Variants in NR1H2 observed in about 807,000 individuals in gnomAD.
NR1H2 encodes the protein nuclear receptor subfamily 1 group H member 2, also known as oxysterols receptor LXR-beta.
NR1H2 carries 33 observed loss-of-function variants against 51.2 expected under a neutral mutation model. The observed-to-expected ratio is 0.64, with a 90% CI of 0.49 to 0.86. The LOEUF (loss-of-function observed/expected upper bound fraction) is 0.86. Ranked by LOEUF, NR1H2 falls within the 40% of genes least tolerant of loss-of-function variation. NR1H2 has a pLI of 0.00. For synonymous variants in NR1H2, 310 were observed against 264.3 expected (o/e 1.17, Z -1.68); for missense variants, 592 against 639.9 (o/e 0.93, Z 0.81).
Position 50,382,158 on chromosome 19 carries a change from G to T in NR1H2, c.1220G>T (p.Arg407Leu), listed in dbSNP as rs1294071211. 3 of 1,532,750 alleles carry T rather than the reference G, an allele frequency of 2.0e-6. 1 individual carries two copies. Among genetic ancestry groups the T allele is most frequent in the South Asian group, 2.4e-5 (2 of 83,570 alleles). 94.9% of individuals were successfully genotyped at this position (1,532,750 alleles called of 1,614,324 possible). A position where few individuals can be genotyped will look rare whatever the true frequency, so the allele number is the denominator to read the frequency against. The change falls in exon 9 of 10, where the codon CGC becomes CTC. Residue 407 changes from arginine (R) to leucine (L), a missense_variant. This residue lies in a region of NR1H2 where 174 missense variants were observed against 174.0 expected (regional missense o/e 1.00). Coordinates refer to ENST00000253727, the MANE Select transcript of NR1H2 (RefSeq NM_007121.7). The part of the protein sequence containing the change: ...PYVEALLSYT[R>L]IKRPQDQLRF... ...GTGGAGGCGCTGCTGTCCTACACGC[G>T]CATCAAGAGGCCGCAGGTAGGGCCC...
intron 2 of NR1H2, 48 bp from the exon 3 acceptor site, chr19:50,377,539 C>CT (rs2037686578): frequency 6.7e-7 from 1 of 1,501,566 alleles, no homozygotes; most frequent in African/African-American, 1.4e-5. Context: ...CTGACCTAAC[C>CT]TAACCCTTCT....
At chr19:50,382,380 C>T in intron 9 of NR1H2, 76 bp from the exon 10 acceptor site, 1 of 1,514,120 alleles carries the variant, frequency 6.6e-7, no homozygotes, top group East Asian at 2.5e-5. Flanking sequence ...GAGGGGCCCT[C>T]CTTTCTGTTG....
intron 8 of NR1H2, among the ~76,000 whole-genome samples, chr19:50,380,451 C>T (rs2037747604): frequency 1.3e-5 from 2 of 152,080 alleles, no homozygotes; most frequent in Admixed American, 1.3e-4. Context: ...GAGGCACTGC[C>T]TAGGAAAAGG....
Position 50,377,576 on chromosome 19 carries a change from G to A in NR1H2, c.-19-11G>A. On this transcript the variant is annotated splice_polypyrimidine_tract_variant and intron_variant, in intron 2 of 9. Transcript: ENST00000253727. ...AGCCCCACAAGGCTCTCAATCCCCT[G>A]TATTCTACAGGCTGCTCCGTGACCC... The A allele has an allele frequency of 2.5e-6, 4 of 1,611,088 alleles. No individual in the cohort carries two copies. The highest frequency in any genetic ancestry group is 3.4e-6 in the Non-Finnish European group (4 of 1,177,860).
chr19:50,377,438 G>A, intron 2 of NR1H2, 149 bp from the exon 3 acceptor site: 2 of 604,096 alleles, frequency 3.3e-6, no homozygotes, highest in East Asian at 3.1e-5. Context: ...GATGGGGAGG[G>A]TTTGTAGGCT....
intron 8 of NR1H2, among the ~76,000 whole-genome samples, chr19:50,380,369 G>C (rs1161436718): frequency 2.6e-5 from 4 of 152,166 alleles, no homozygotes; most frequent in African/African-American, 9.7e-5. Flanking sequence ...CTGTCTAGGG[G>C]AGCACTGCTT....
Position 50,379,805 on chromosome 19 carries a change from G to A in NR1H2, c.953G>A (p.Arg318His), listed in dbSNP as rs1409105607. Reference sequence around the variant, plus strand: ...ATCATGCTGCTAGAGACAGCCAGGCGCTACAACCACGAGACAGAGTGTATC... The same window carrying A: ...ATCATGCTGCTAGAGACAGCCAGGCACTACAACCACGAGACAGAGTGTATC... ...IEIMLLETAR[R>H]YNHETECITF... The change falls in exon 8 of 10, where the codon CGC (arginine) becomes CAC (histidine). Residue 318 changes from arginine (R) to histidine (H), a missense_variant. Physicochemically the swap from Arg to His is conservative, Grantham distance 29. Coordinates refer to ENST00000253727, the MANE Select transcript of NR1H2 (RefSeq NM_007121.7). 1.2e-6 allele frequency: 2 copies of A among 1,613,776 alleles called. No individual in the cohort carries two copies. Among genetic ancestry groups the A allele is most frequent in the African/African-American group, 1.3e-5 (1 of 74,926 alleles).
rs73932491 is a variant in NR1H2 at position 50,380,121 on chromosome 19, C to T, written c.1027+242C>T. Among the ~76,000 whole-genome samples, 1,362 of 152,258 alleles carry T rather than the reference C, an allele frequency of 8.9e-3. 20 individuals carry two copies. Among genetic ancestry groups the T allele is most frequent in the African/African-American group, 0.03 (1,245 of 41,530 alleles). ...GCTATAGTGAGCCGTGATTGTGCGA[C>T]GGCATTCCAGCCTGGTGACAGAGAA... On this transcript the variant is annotated intron_variant, in intron 8 of 9. Coordinates refer to ENST00000253727, the MANE Select transcript of NR1H2 (RefSeq NM_007121.7).
intron 8 of NR1H2, among the ~76,000 whole-genome samples, chr19:50,380,711 T>C (rs1319304694): frequency 6.6e-6 from 1 of 151,758 alleles, no homozygotes; most frequent in Admixed American, 6.6e-5. Context: ...GGCCCTGAGG[T>C]TGGGGAGAGC....
chr19:50,377,992 T>C, intron 4 of NR1H2, 122 bp downstream of exon 4: 2 of 1,430,358 alleles, frequency 1.4e-6, no homozygotes, highest in East Asian at 4.6e-5. Context: ...CTCCTTAACA[T>C]ATACATCTTT....
chr19:50,383,141 G>GT lies in NR1H2; in HGVS notation c.*540dup. Among the ~76,000 whole-genome samples, 1 of 152,312 alleles carries GT rather than the reference G, an allele frequency of 6.6e-6. No homozygotes were observed. The highest frequency in any genetic ancestry group is 2.4e-5 in the African/African-American group (1 of 41,570). On this transcript the variant is annotated 3_prime_UTR_variant, in exon 10 of 10. Transcript: ENST00000253727. Reference sequence around the variant, plus strand: ...TGTTGGGAAAAGGGTGGCACATAGGGTCCCAGTGTTGGGTGGTGTGTCGCC... The same window carrying GT: ...TGTTGGGAAAAGGGTGGCACATAGGGTTCCCAGTGTTGGGTGGTGTGTCGCC...
chr19:50,379,959 G>T (rs1568595642), intron 8 of NR1H2, 80 bp downstream of exon 8: 2 of 928,874 alleles, frequency 2.2e-6, no homozygotes, highest in Non-Finnish European at 3.5e-6. Flanking sequence ...CCCTGTTGGA[G>T]TCTCTGTTTC....
chr19:50,381,379 A>C (rs2037762724), intron 8 of NR1H2, among the ~76,000 whole-genome samples: 1 of 152,242 alleles, frequency 6.6e-6, no homozygotes, highest in African/African-American at 2.4e-5. Flanking sequence ...ACCATGGCTC[A>C]GCAGGGCCCT....
rs1035523588 is a variant in NR1H2, at chr19:50,378,550, G to A, written c.501G>A (p.Lys167=). The A allele has an allele frequency of 4.5e-6, 7 of 1,548,252 alleles. No individual in the cohort carries two copies. The highest frequency in any genetic ancestry group is 5.2e-6 in the Non-Finnish European group (6 of 1,156,182). The stretch of plus-strand genomic sequence containing the variant: ...TCCTTTCTGAAGAACAGATCCGGAA[G>A]AAGAAGATTCGGAAACAGCAGCAGG... ...QCVLSEEQIR[K]KKIRKQQQES... Residue 167 remains lysine, a synonymous_variant, in exon 6 of 10, where the codon AAG becomes AAA. Transcript: ENST00000253727.
In NR1H2 at chr19:50,376,579, A is replaced by G. The variant is rs1271727185; in HGVS notation, c.-128+3A>G. The G allele has an allele frequency of 6.6e-6, 1 of 152,314 alleles. No homozygotes were observed. Among genetic ancestry groups the G allele is most frequent in the Non-Finnish European group, 1.5e-5 (1 of 68,080 alleles). 9.4% of individuals were successfully genotyped at this position (152,314 alleles called of 1,614,324 possible). A position where few individuals can be genotyped will look rare whatever the true frequency, so the allele number is the denominator to read the frequency against. On this transcript the variant is annotated splice_donor_region_variant and intron_variant, in intron 1 of 9. Coordinates refer to ENST00000253727, the MANE Select transcript of NR1H2 (RefSeq NM_007121.7). ...AAAAGCAGAGCAAGGGAACCCAGGT[A>G]GGTGCACCCGAGAGTGGGGAGACGC...
intron 9 of NR1H2, 43 bp downstream of exon 9, chr19:50,382,217 G>C (rs7256972): frequency 1.8e-5 from 26 of 1,473,518 alleles, no homozygotes; most frequent in Non-Finnish European, 2.3e-5. Context: ...ACTACGTCCC[G>C]CGGCCCACGT....
intron 7 of NR1H2, 58 bp from the exon 8 acceptor site, chr19:50,379,722 G>C: frequency 1.9e-6 from 2 of 1,078,906 alleles, no homozygotes; most frequent in Admixed American, 3.4e-5. Flanking sequence ...CAGGAGGGGA[G>C]GGACTAGCAG....
chr19:50,376,977 G>C (rs1308824079), intron 2 of NR1H2, among the ~76,000 whole-genome samples, 151 bp downstream of exon 2: 1 of 142,976 alleles, frequency 7.0e-6, no homozygotes, highest in African/African-American at 2.6e-5. Context: ...GCGGGGCCTG[G>C]AGCGAGGTTG....
intron 8 of NR1H2, among the ~76,000 whole-genome samples, chr19:50,380,602 T>C (rs1258119705): frequency 6.6e-6 from 1 of 152,060 alleles, no homozygotes; most frequent in Non-Finnish European, 1.5e-5. Context: ...CTCCGGCCCT[T>C]TCACCACCCG....
Sources: allele counts gnomAD v4.1 joint callset (sites outside exome capture counted in the v4.1 genomes callset), GRCh38; gene constraint gnomAD v4.1.1; regional missense constraint gnomAD v4.1.1; transcripts MANE v1.5; gene names NCBI Gene and HGNC (gene_info 2026-07-23, HGNC 2026-07-21).